The following PCDHGA6 variants were observed in gnomAD, a reference collection of about 807,000 sequenced individuals.
PCDHGA6 encodes protocadherin gamma-A6.
A neutral mutation model predicts 60.6 loss-of-function variants in PCDHGA6; 41 were observed. The observed-to-expected ratio is 0.68, with a 90% confidence interval of 0.53 to 0.88. The LOEUF (loss-of-function observed/expected upper bound fraction) is 0.88. Ranked by LOEUF, PCDHGA6 falls within the 40% of genes least tolerant of loss-of-function variation. The pLI is 0.00. For synonymous variants in PCDHGA6, 594 were observed against 524.4 expected (o/e 1.13, Z -1.81); for missense variants, 1,312 against 1,203.0 (o/e 1.09, Z -1.34).
chr5:141,414,222 A>G lies in PCDHGA6; in HGVS notation c.2424+37715A>G, dbSNP rs1038407271. 3.7e-6 allele frequency: 6 copies of G among 1,613,316 alleles called. No individual in the cohort carries two copies. The African/African-American group carries it at 5.3e-5, about 14-fold the overall frequency. On this transcript the variant is annotated intron_variant, in intron 1 of 3. Coordinates refer to ENST00000517434, the MANE Select transcript of PCDHGA6 (RefSeq NM_018919.3). ...TAGAAGATGTAAATGACAACAGTCC[A>G]GAGCTGACCATCACGTCTCTATTTA...
At chr5:141,471,932 A>T (rs1015576042) in intron 1 of PCDHGA6, among the ~76,000 whole-genome samples, 1 of 152,158 alleles carries the variant, frequency 6.6e-6, no homozygotes, top group Non-Finnish European at 1.5e-5. Context: ...GGGGGTGATG[A>T]GAGTTTTCTA....
chr5:141,499,047 GA>G (rs2099789201), intron 2 of PCDHGA6, among the ~76,000 whole-genome samples: 1 of 151,580 alleles, frequency 6.6e-6, no homozygotes, highest in South Asian at 2.1e-4. Flanking sequence ...GAAAAAGGGA[GA>G]AAAAATGAAG....
Position 141,431,518 on chromosome 5 carries a change from G to T in PCDHGA6, c.2424+55011G>T. 6.2e-7 allele frequency: 1 copy of T among 1,614,090 alleles called. No individual in the cohort carries two copies. Among genetic ancestry groups the T allele is most frequent in the Non-Finnish European group, 8.5e-7 (1 of 1,180,038 alleles). ...CCGAGTACCGCGCGAGCGTTCCGGA[G>T]AATCTGGCCTTGGGCACGCAGCTGC... On this transcript the variant is annotated intron_variant, in intron 1 of 3. Coordinates refer to ENST00000517434, the MANE Select transcript of PCDHGA6 (RefSeq NM_018919.3). The surrounding 1 kb of genome is among the most constrained non-coding windows in gnomAD (Gnocchi z 4.8).
At chr5:141,444,115 AG>A (rs1206374963) in intron 1 of PCDHGA6, among the ~76,000 whole-genome samples, 3 of 147,326 alleles carry the variant, frequency 2.0e-5, no homozygotes, top group Admixed American at 2.0e-4. Context: ...AGAAAAGTGA[AG>A]TATCTCAACA....
intron 1 of PCDHGA6, chr5:141,398,187 C>G (rs1329117309): frequency 5.8e-5 from 86 of 1,481,250 alleles, no homozygotes; most frequent in Non-Finnish European, 7.6e-5. Context: ...TCTTTCTCTT[C>G]CTGCTGTCTT....
intron 1 of PCDHGA6, chr5:141,417,966 C>T: frequency 6.2e-7 from 1 of 1,613,776 alleles, no homozygotes; most frequent in Non-Finnish European, 8.5e-7. Flanking sequence ...ATCCGCTACT[C>T]GATTCCGGAG....
intron 1 of PCDHGA6, among the ~76,000 whole-genome samples, chr5:141,406,188 T>C (rs1313997032): frequency 6.6e-6 from 1 of 151,612 alleles, no homozygotes; most frequent in African/African-American, 2.4e-5. Flanking sequence ...TCCTCCCACC[T>C]CAGCCTTCAC....
At chr5:141,393,267 T>C in intron 1 of PCDHGA6, 1 of 1,613,944 alleles carries the variant, frequency 6.2e-7, no homozygotes, top group Non-Finnish European at 8.5e-7. Flanking sequence ...TGGAGCACGT[T>C]ATCCACTCCC....
chr5:141,411,969 T>G (rs2095526864), intron 1 of PCDHGA6: 1 of 152,258 alleles, frequency 6.6e-6, no homozygotes, highest in Non-Finnish European at 1.5e-5. Context: ...ATAAAATCTT[T>G]GAAGAGTTCT....
At position 141,487,635 on chromosome 5, in the gene PCDHGA6, A is replaced by C. The variant is rs1594699829; in HGVS notation, c.2425-7172A>C. 1.2e-6 allele frequency: 2 copies of C among 1,614,204 alleles called. No individual in the cohort carries two copies. Among genetic ancestry groups the C allele is most frequent in the Non-Finnish European group, 1.7e-6 (2 of 1,180,034 alleles). On this transcript the variant is annotated intron_variant, in intron 1 of 3. Transcript: ENST00000517434. The surrounding 1 kb of genome is among the most constrained non-coding windows in gnomAD (Gnocchi z 5.0). Reference sequence around the variant, plus strand: ...CTAGAGGTGAGACCTTTGCAGGCTCAACAAATGCTTGAGGGTTATTCTGAT... The same window carrying C: ...CTAGAGGTGAGACCTTTGCAGGCTCCACAAATGCTTGAGGGTTATTCTGAT...
chr5:141,426,873 C>T (rs1299082117), intron 1 of PCDHGA6: 1 of 456,702 alleles, frequency 2.2e-6, no homozygotes, highest in East Asian at 6.9e-5. Context: ...GCTGGAGAAG[C>T]CCCTGGGCCA....
rs983317324 is a variant in PCDHGA6, at chr5:141,431,891, G to A, written c.2424+55384G>A. The stretch of plus-strand genomic sequence containing the variant: ...AAATGTAAATGACCAAGATTCTGAG[G>A]AAAACGGACAGGTGATCTGTTTCAT... On this transcript the variant is annotated intron_variant, in intron 1 of 3. Transcript: ENST00000517434. The surrounding 1 kb of genome is among the most constrained non-coding windows in gnomAD (Gnocchi z 4.8). 16 of 1,614,072 alleles carry A rather than the reference G, an allele frequency of 9.9e-6. No homozygotes were observed. The highest frequency in any genetic ancestry group is 2.7e-5 in the African/African-American group (2 of 74,934).
intron 1 of PCDHGA6, chr5:141,408,109 C>T (rs1011504923): frequency 3.5e-6 from 5 of 1,445,662 alleles, no homozygotes; most frequent in Non-Finnish European, 4.6e-6. Flanking sequence ...AGACCCGGGA[C>T]TCCTCCTGTC....
intron 1 of PCDHGA6, chr5:141,403,714 C>A: frequency 1.2e-6 from 2 of 1,613,910 alleles, no homozygotes; most frequent in South Asian, 1.1e-5. Context: ...TCCTTGAGAA[C>A]GTGCCCCCAG....
intron 1 of PCDHGA6, chr5:141,423,426 GGCAGGTA>G: frequency 1.9e-6 from 3 of 1,614,028 alleles, no homozygotes; most frequent in Non-Finnish European, 2.5e-6. Flanking sequence ...AAGGCGGGTT[GGCAGGTA>G]TGCCCACGTC....
At chr5:141,401,226 C>T (rs960294428) in intron 1 of PCDHGA6, among the ~76,000 whole-genome samples, 1 of 152,102 alleles carries the variant, frequency 6.6e-6, no homozygotes, top group African/African-American at 2.4e-5. Context: ...CCTGTAATCC[C>T]AGCTACTCAG....
Position 141,489,153 on chromosome 5 carries a change from G to T in PCDHGA6, c.2425-5654G>T. 1 of 935,828 alleles carries T rather than the reference G, an allele frequency of 1.1e-6. No individual in the cohort carries two copies. Among genetic ancestry groups the T allele is most frequent in the South Asian group, 1.8e-5 (1 of 55,006 alleles). 58.0% of individuals were successfully genotyped at this position (935,828 alleles called of 1,614,324 possible). A position where few individuals can be genotyped will look rare whatever the true frequency, so the allele number is the denominator to read the frequency against. Reference sequence around the variant, plus strand: ...TTTAAGAGGCTGGAAGGAGACATAAGAGACTTCAGCTGCTGCATTCCAAGC... The same window carrying T: ...TTTAAGAGGCTGGAAGGAGACATAATAGACTTCAGCTGCTGCATTCCAAGC... On this transcript the variant is annotated intron_variant, in intron 1 of 3. Transcript: ENST00000517434. The surrounding 1 kb of genome is among the most constrained non-coding windows in gnomAD (Gnocchi z 4.5).
In PCDHGA6 at chr5:141,392,458, G is replaced by A. The variant is rs113238570; in HGVS notation, c.2424+15951G>A. The A allele has an allele frequency of 2.2e-3, 375 of 170,410 alleles. 4 individuals are homozygous for A. Among genetic ancestry groups the A allele is most frequent in the African/African-American group, 8.5e-3 (357 of 42,198 alleles). The allele number at this position is 170,410 out of a possible 1,614,324, so 10.6% of individuals were successfully genotyped here. ...GTTTCTTTTAAAATATGGGTTTACG[G>A]ATAAATCAAATAAATTCAAAACAAA... On this transcript the variant is annotated intron_variant, in intron 1 of 3. Coordinates refer to ENST00000517434, the MANE Select transcript of PCDHGA6 (RefSeq NM_018919.3).
At chr5:141,397,225 T>C (rs2093492124) in intron 1 of PCDHGA6, among the ~76,000 whole-genome samples, 1 of 151,338 alleles carries the variant, frequency 6.6e-6, no homozygotes, top group Non-Finnish European at 1.5e-5. Context: ...TTTTGAGATA[T>C]GAAGAAGAGC....
Sources: allele counts gnomAD v4.1 joint callset (sites outside exome capture counted in the v4.1 genomes callset), GRCh38; gene constraint gnomAD v4.1.1; non-coding constraint Gnocchi (gnomAD v3.1); transcripts MANE v1.5; gene names NCBI Gene and HGNC (gene_info 2026-07-23, HGNC 2026-07-21).